Variants in TGM6 observed in about 807,000 individuals in gnomAD.
The protein encoded by TGM6 is transglutaminase 6.
TGM6 carries 74 observed loss-of-function variants against 77.5 expected under a neutral mutation model. The observed-to-expected ratio is 0.96, with a 90% CI of 0.79 to 1.16. TGM6 has a LOEUF of 1.16. Among genes scored for constraint, TGM6 ranks in the 50% most tolerant of loss-of-function variants. The pLI is 0.00. For synonymous variants in TGM6, 383 were observed against 378.9 expected, an observed-to-expected ratio of 1.01 and a Z score of -0.12; for missense variants, 968 against 940.2, an observed-to-expected ratio of 1.03 and a Z score of -0.39.
rs147494925 is a variant in TGM6, at chr20:2,396,583, G to A, written c.502G>A (p.Val168Met). The A allele has an allele frequency of 3.0e-4, 483 of 1,614,224 alleles. 3 individuals carry two copies. In the African/African-American group the frequency reaches 5.2e-3, roughly 17 times the overall value. Residue 168 changes from valine (V) to methionine (M), a missense_variant, in exon 4 of 13, where the codon GTG becomes ATG. Transcript: ENST00000202625. ...LSDSGIIFRG[V>M]EKHIRAQGWN... ...CGACAGCGGCATCATCTTCCGAGGCGTGGAGAAGCACATACGAGCCCAGGG... is the reference window on the plus strand; with the variant it reads ...CGACAGCGGCATCATCTTCCGAGGCATGGAGAAGCACATACGAGCCCAGGG...
At chr20:2,407,957 T>C (rs2084762873) in intron 9 of TGM6, among the ~76,000 whole-genome samples, 1 of 152,124 alleles carries the variant, frequency 6.6e-6, no homozygotes, top group South Asian at 2.1e-4. Flanking sequence ...TACTGGGGCA[T>C]CCAGAGGCTA....
intron 10 of TGM6, among the ~76,000 whole-genome samples, chr20:2,426,262 A>C (rs1344106445): frequency 6.6e-6 from 1 of 151,982 alleles, no homozygotes; most frequent in African/African-American, 2.4e-5. Flanking sequence ...TGGTGGTGCT[A>C]ACATAAGTGG....
chr20:2,418,963 G>A (rs1322506457), intron 10 of TGM6, among the ~76,000 whole-genome samples: 5 of 152,188 alleles, frequency 3.3e-5, no homozygotes, highest in Admixed American at 3.3e-4. Context: ...TGTAGTCCCA[G>A]CTACTCAGGA....
intron 4 of TGM6, among the ~76,000 whole-genome samples, chr20:2,397,211 A>G (rs895592382): frequency 2.0e-5 from 3 of 152,238 alleles, no homozygotes; most frequent in Non-Finnish European, 4.4e-5. Flanking sequence ...GGGTCTCTAC[A>G]GTGAGGCAGG....
In TGM6 at chr20:2,396,584, TGGA is replaced by T; in HGVS notation, c.505_507del (p.Glu169del). On this transcript the variant is annotated inframe_deletion, in exon 4 of 13. Coordinates refer to ENST00000202625, the MANE Select transcript of TGM6 (RefSeq NM_198994.3). ...GACAGCGGCATCATCTTCCGAGGCG[TGGA>T]GAAGCACATACGAGCCCAGGGCTGG... 1 of 1,614,108 alleles carries T rather than the reference TGGA, an allele frequency of 6.2e-7. No individual in the cohort carries two copies. The highest frequency in any genetic ancestry group is 8.5e-7 in the Non-Finnish European group (1 of 1,180,018).
chr20:2,386,354 C>T (rs1475291015), intron 1 of TGM6, among the ~76,000 whole-genome samples: 3 of 152,090 alleles, frequency 2.0e-5, no homozygotes, highest in East Asian at 1.9e-4. Context: ...GAACAGTGAC[C>T]TCCTGGGTTA....
chr20:2,418,739 G>A (rs910058581), intron 10 of TGM6, among the ~76,000 whole-genome samples: 3 of 152,166 alleles, frequency 2.0e-5, no homozygotes, highest in African/African-American at 7.2e-5. Context: ...CTTTTTAAAG[G>A]TTTTTGTATT....
chr20:2,424,539 T>C (rs1238701430), intron 10 of TGM6, among the ~76,000 whole-genome samples: 1 of 152,242 alleles, frequency 6.6e-6, no homozygotes, highest in East Asian at 1.9e-4. Flanking sequence ...TTTGGCTTAA[T>C]GGAATGTTAT....
chr20:2,416,592 C>T (rs1201913653), intron 9 of TGM6, among the ~76,000 whole-genome samples: 1 of 152,084 alleles, frequency 6.6e-6, no homozygotes, highest in African/African-American at 2.4e-5. Context: ...AGGTGATTGC[C>T]TTGAAAAGGG....
intron 10 of TGM6, among the ~76,000 whole-genome samples, chr20:2,428,717 A>G (rs1279909467): frequency 2.0e-5 from 3 of 152,144 alleles, no homozygotes; most frequent in Non-Finnish European, 4.4e-5. Flanking sequence ...AAAAATAATA[A>G]TACCCGCTCA....
In TGM6 at chr20:2,430,397, T is replaced by C. The variant is rs371172090; in HGVS notation, c.1679-49T>C. ...ATTCCCTTCCTTCTTCCCAGTGCCATTGAAGAAAGACATCAAGCCCCAACT... is the reference window on the plus strand; with the variant it reads ...ATTCCCTTCCTTCTTCCCAGTGCCACTGAAGAAAGACATCAAGCCCCAACT... On this transcript the variant is annotated intron_variant, in intron 10 of 12. Coordinates refer to ENST00000202625, the MANE Select transcript of TGM6 (RefSeq NM_198994.3). 330 of 1,609,804 alleles carry C rather than the reference T, an allele frequency of 2.0e-4. 1 individual carries two copies. The African/African-American group carries it at 3.8e-3, about 19-fold the overall frequency.
At chr20:2,399,125 TCA>T (rs1483346948) in intron 5 of TGM6, among the ~76,000 whole-genome samples, 2 of 139,326 alleles carry the variant, frequency 1.4e-5, no homozygotes, top group Non-Finnish European at 1.5e-5. Context: ...CTTCTGAAGC[TCA>T]GTTTTTGCAT....
chr20:2,423,810 A>G (rs1205036017), intron 10 of TGM6, among the ~76,000 whole-genome samples: 2 of 152,350 alleles, frequency 1.3e-5, no homozygotes, highest in East Asian at 3.9e-4. Context: ...TTCTTAAATA[A>G]AAAGACTTGA....
chr20:2,384,106 C>CAAA (rs35843804), intron 1 of TGM6, among the ~76,000 whole-genome samples: 81 of 84,554 alleles, frequency 9.6e-4, no homozygotes, highest in African/African-American at 3.3e-3. Context: ...GACTCCGTCT[C>CAAA]AAAAAAAAAA....
At chr20:2,394,708 C>A in intron 2 of TGM6, 83 bp downstream of exon 2, 1 of 1,440,548 alleles carries the variant, frequency 6.9e-7, no homozygotes, top group Non-Finnish European at 9.5e-7. Flanking sequence ...ACCTTGCAGT[C>A]AGCAGCTCAG....
rs13433241 is a variant in TGM6 at position 2,391,095 on chromosome 20, T to A, written c.8-3357T>A. Among the ~76,000 whole-genome samples the A allele has an allele frequency of 9.7e-3, 1,477 of 151,510 alleles. 41 individuals carry two copies. The highest frequency in any genetic ancestry group is 0.034 in the African/African-American group (1,395 of 41,150). ...CGAGTGATCTTAGATTTTAACAGGA[T>A]CCTTCTGGCTTCCATGTTGAGAATG... is the stretch of plus-strand genomic sequence containing the variant. On this transcript the variant is annotated intron_variant, in intron 1 of 12. Coordinates refer to ENST00000202625, the MANE Select transcript of TGM6 (RefSeq NM_198994.3).
chr20:2,381,877 C>A (rs1247472815), intron 1 of TGM6, among the ~76,000 whole-genome samples: 2 of 152,074 alleles, frequency 1.3e-5, no homozygotes, highest in Non-Finnish European at 2.9e-5. Flanking sequence ...AAGATGGTGC[C>A]ACTGCACTGC....
Position 2,395,274 on chromosome 20 carries a change from G to A in TGM6, c.262G>A (p.Ala88Thr). 6.2e-7 allele frequency: 1 copy of A among 1,614,146 alleles called. No homozygotes were observed. The highest frequency in any genetic ancestry group is 8.5e-7 in the Non-Finnish European group (1 of 1,180,016). ...GGAGCGGGGTGAGGGCTGGACAGCA[G>A]CAAGGGAGGCTCAGATGGAGAAAAC... Reference protein sequence around the residue: ...ELERGEGWTAAREAQMEKTLT... With the variant: ...ELERGEGWTATREAQMEKTLT... The change falls in exon 3 of 13, where the codon GCA becomes ACA. Residue 88 changes from alanine (A) to threonine (T), a missense_variant. Ala to Thr is a moderately conservative substitution (Grantham distance 58). Transcript: ENST00000202625.
At chr20:2,397,788 C>G (rs1434243228) in intron 4 of TGM6, 130 bp from the exon 5 acceptor site, 7 of 1,454,692 alleles carry the variant, frequency 4.8e-6, no homozygotes, top group Admixed American at 1.7e-5. Context: ...CTCTGTGATG[C>G]CCCTGGTGGT....
Sources: gnomAD v4.1 joint callset for allele counts (sites outside exome capture counted in the v4.1 genomes callset) on GRCh38, gnomAD v4.1.1 for gene constraint, MANE v1.5 for transcripts, NCBI Gene and HGNC (gene_info 2026-07-23, HGNC 2026-07-21) for gene names.